The following DPYD variants were observed in gnomAD, a reference collection of about 807,000 sequenced individuals.
DPYD encodes the protein dihydropyrimidine dehydrogenase, also known as dihydropyrimidine dehydrogenase [NADP(+)].
Under a neutral mutation model 116.2 loss-of-function variants are expected in DPYD, and 109 were observed. The ratio of observed to expected loss-of-function variants is 0.94; its 90% CI spans 0.80 to 1.10. The LOEUF (loss-of-function observed/expected upper bound fraction) is 1.10, where lower values mean the gene tolerates loss of function less well. DPYD is among the 50% of genes least tolerant of loss of function. The pLI, the probability that DPYD is intolerant of heterozygous loss-of-function variation, is 0.00. For missense variants in DPYD, 1,302 were observed against 1,254.5 expected (o/e 1.04, Z -0.57); for synonymous variants, 440 against 432.0 (o/e 1.02, Z -0.23).
rs201501691 is a variant in DPYD at position 97,213,264 on chromosome 1, G to T, written c.2443-20016C>A. Among the ~76,000 whole-genome samples the T allele has an allele frequency of 1.4e-4, 22 of 152,176 alleles. No individual in the cohort carries two copies. In the East Asian group the frequency reaches 3.7e-3, roughly 25 times the overall value. ...ATCTATAACAATAACTATCTCACAG[G>T]ATTACTGGAGGTATAAATAAATTAT... is the stretch of plus-strand genomic sequence containing the variant. On this transcript the variant is annotated intron_variant, in intron 19 of 22. Coordinates refer to ENST00000370192, the MANE Select transcript of DPYD (RefSeq NM_000110.4).
chr1:97,367,210 A>G (rs1671084604), intron 16 of DPYD, among the ~76,000 whole-genome samples: 2 of 152,122 alleles, frequency 1.3e-5, no homozygotes, highest in African/African-American at 4.8e-5. Flanking sequence ...GGGTAAGAGT[A>G]ATAATCTGTG....
At chr1:97,109,570 G>A (rs1651441206) in intron 20 of DPYD, among the ~76,000 whole-genome samples, 1 of 152,032 alleles carries the variant, frequency 6.6e-6, no homozygotes, top group South Asian at 2.1e-4. Context: ...AAAGCATACA[G>A]GATTCAGGCT....
chr1:97,154,317 A>T (rs1416554613), intron 20 of DPYD, among the ~76,000 whole-genome samples: 2 of 152,206 alleles, frequency 1.3e-5, no homozygotes, highest in Non-Finnish European at 2.9e-5. Context: ...ACTCAGCCAT[A>T]AAAAGGAATG....
chr1:97,691,560 C>CA lies in DPYD; in HGVS notation c.762+156dup. 4.7e-6 allele frequency: 3 copies of CA among 638,280 alleles called. No individual in the cohort carries two copies. The South Asian group carries it at 5.6e-5, about 12-fold the overall frequency. 39.5% of individuals were successfully genotyped at this position (638,280 alleles called of 1,614,324 possible). ...TAGTGGCATTCAGACAGTAGACAGACAAATGCCCTAAGCAAGGGGAAGCAT... is the reference window on the plus strand; with the variant it reads ...TAGTGGCATTCAGACAGTAGACAGACAAAATGCCCTAAGCAAGGGGAAGCAT... On this transcript the variant is annotated intron_variant, in intron 7 of 22. Coordinates refer to ENST00000370192, the MANE Select transcript of DPYD (RefSeq NM_000110.4).
intron 12 of DPYD, among the ~76,000 whole-genome samples, chr1:97,525,762 G>GAGAGAGAGAGAC (rs1482072732): frequency 2.2e-4 from 31 of 141,648 alleles, no homozygotes; most frequent in Non-Finnish European, 4.7e-4. Flanking sequence ...GGTAATTAGA[G>GAGAGAGAGAGAC]AGAGAGAGAG....
intron 12 of DPYD, among the ~76,000 whole-genome samples, chr1:97,535,653 G>T (rs1421773619): frequency 6.6e-6 from 1 of 152,098 alleles, no homozygotes; most frequent in East Asian, 1.9e-4. Context: ...TTTAATAAAA[G>T]TTTGGAACCT....
intron 8 of DPYD, among the ~76,000 whole-genome samples, chr1:97,620,065 G>T (rs557526423): frequency 6.6e-6 from 1 of 151,224 alleles, no homozygotes; most frequent in Non-Finnish European, 1.5e-5. Flanking sequence ...AGGCACTTTG[G>T]AATTATTAGC....
chr1:97,488,099 A>C (rs930534801), intron 13 of DPYD, among the ~76,000 whole-genome samples: 1 of 152,206 alleles, frequency 6.6e-6, no homozygotes, highest in African/African-American at 2.4e-5. Context: ...GCAAAAAAAA[A>C]AGGAACTAGC....
chr1:97,638,345 C>T (rs1657687811), intron 8 of DPYD, among the ~76,000 whole-genome samples: 2 of 152,018 alleles, frequency 1.3e-5, no homozygotes, highest in Admixed American at 1.3e-4. Flanking sequence ...GGAAGCCATG[C>T]CTGACAGAAT....
chr1:97,705,905 T>C (rs1011678105), intron 5 of DPYD, among the ~76,000 whole-genome samples: 9 of 152,228 alleles, frequency 5.9e-5, no homozygotes, highest in South Asian at 2.1e-4. Flanking sequence ...CATTTTTTCA[T>C]GTGTTTTTTG....
chr1:97,287,775 T>G (rs2100966962), intron 18 of DPYD, among the ~76,000 whole-genome samples: 1 of 152,236 alleles, frequency 6.6e-6, no homozygotes, highest in Admixed American at 6.5e-5. Flanking sequence ...TTTTTAAGCC[T>G]GTCGGAAACT....
At chr1:97,652,745 T>A (rs755265685) in intron 8 of DPYD, among the ~76,000 whole-genome samples, 1 of 152,162 alleles carries the variant, frequency 6.6e-6, no homozygotes, top group African/African-American at 2.4e-5. Flanking sequence ...TCCTATGATA[T>A]CAATCAAGAA....
intron 19 of DPYD, among the ~76,000 whole-genome samples, chr1:97,209,637 T>C (rs1659905417): frequency 1.3e-5 from 2 of 152,168 alleles, no homozygotes; most frequent in South Asian, 4.1e-4. Flanking sequence ...CTACATCTGG[T>C]GTCATCCAGA....
chr1:97,456,490 C>A (rs1470603120), intron 13 of DPYD, among the ~76,000 whole-genome samples: 2 of 151,998 alleles, frequency 1.3e-5, no homozygotes, highest in East Asian at 1.9e-4. Flanking sequence ...CTGACAAGTC[C>A]CAAGTCTACA....
chr1:97,322,807 G>C (rs1223457433), intron 16 of DPYD: 2 of 151,956 alleles, frequency 1.3e-5, no homozygotes, highest in Non-Finnish European at 2.9e-5. Context: ...TTTTGGTAAA[G>C]GAAGGGCTAG....
At chr1:97,457,477 C>T (rs959028247) in intron 13 of DPYD, among the ~76,000 whole-genome samples, 2 of 152,142 alleles carry the variant, frequency 1.3e-5, no homozygotes, top group African/African-American at 2.4e-5. Context: ...AAACTAGACA[C>T]TAAAAGTGGT....
intron 18 of DPYD, among the ~76,000 whole-genome samples, chr1:97,287,827 T>G (rs1478667043): frequency 6.6e-6 from 1 of 152,078 alleles, no homozygotes; most frequent in Non-Finnish European, 1.5e-5. Flanking sequence ...CCAGGTGCCA[T>G]CTGTCACCCC....
chr1:97,481,750 A>G (rs1302997311), intron 13 of DPYD, among the ~76,000 whole-genome samples: 2 of 152,242 alleles, frequency 1.3e-5, no homozygotes, highest in Non-Finnish European at 1.5e-5. Context: ...CTTAAAAGTC[A>G]TGATTCCTTT....
At chr1:97,104,484 A>T (rs1650989507) in intron 20 of DPYD, among the ~76,000 whole-genome samples, 1 of 152,052 alleles carries the variant, frequency 6.6e-6, no homozygotes, top group Admixed American at 6.6e-5. Flanking sequence ...TAACAATTGC[A>T]ATACCCTGTG....
Sources: gnomAD v4.1 joint callset for allele counts (sites outside exome capture counted in the v4.1 genomes callset) on GRCh38, gnomAD v4.1.1 for gene constraint, MANE v1.5 for transcripts, NCBI Gene and HGNC (gene_info 2026-07-23, HGNC 2026-07-21) for gene names.